The following MAP4 variants were observed in gnomAD, a reference collection of about 807,000 sequenced individuals.
MAP4 encodes microtubule associated protein 4.
MAP4 carries 76 observed loss-of-function variants against 170.2 expected under a neutral mutation model. That is an observed-to-expected ratio of 0.45 (90% CI 0.37 to 0.54). The LOEUF is 0.54. Ranked by LOEUF, MAP4 falls within the 20% of genes least tolerant of loss-of-function variation. MAP4 has a pLI of 0.00. For synonymous variants in MAP4, 909 were observed against 994.5 expected, an observed-to-expected ratio of 0.91 and a Z score of 1.62; for missense variants, 2,506 against 2,748.0, an observed-to-expected ratio of 0.91 and a Z score of 1.97.
At chr3:47,881,576 A>G (rs906396336) in intron 10 of MAP4, among the ~76,000 whole-genome samples, 1 of 146,908 alleles carries the variant, frequency 6.8e-6, no homozygotes, top group Non-Finnish European at 1.5e-5. Context: ...TTAACTTTCA[A>G]CCTACCTATG....
chr3:47,872,206 C>A (rs532888905), intron 12 of MAP4, 106 bp from the exon 13 acceptor site: 2 of 1,060,578 alleles, frequency 1.9e-6, no homozygotes, highest in African/African-American at 3.2e-5. Context: ...TTTTTGGAGA[C>A]GAAGTCTCAC....
intron 1 of MAP4, among the ~76,000 whole-genome samples, chr3:48,065,829 A>G (rs1311394669): frequency 3.3e-5 from 5 of 152,258 alleles, no homozygotes; most frequent in South Asian, 4.1e-4. Flanking sequence ...ATGGAATGAT[A>G]AGTTCAAGGC....
intron 3 of MAP4, among the ~76,000 whole-genome samples, chr3:47,952,592 C>G (rs974095261): frequency 6.6e-6 from 1 of 151,694 alleles, no homozygotes; most frequent in Non-Finnish European, 1.5e-5. Flanking sequence ...TTACCCCCAA[C>G]CCTGTGCTCT....
In MAP4 at chr3:47,917,188, T is replaced by G. The variant is rs1440525908; in HGVS notation, c.653-14A>C. 1 of 1,604,390 alleles carries G rather than the reference T, an allele frequency of 6.2e-7. No individual in the cohort carries two copies. Among genetic ancestry groups the G allele is most frequent in the East Asian group, 2.2e-5 (1 of 44,828 alleles). ...GCTCTAAGGGAACTAAATTGGAAAT[T>G]TAGGACACATCATTGTCTACTCATA... On this transcript the variant is annotated splice_polypyrimidine_tract_variant and intron_variant, in intron 6 of 20. Transcript: ENST00000683076.
At chr3:47,893,229 C>T (rs1441193908) in intron 10 of MAP4, among the ~76,000 whole-genome samples, 2 of 152,126 alleles carry the variant, frequency 1.3e-5, no homozygotes, top group Non-Finnish European at 2.9e-5. Flanking sequence ...TTAAAGACTT[C>T]AGTGATCAGG....
intron 1 of MAP4, among the ~76,000 whole-genome samples, chr3:48,073,228 A>G (rs1040692638): frequency 7.3e-4 from 110 of 150,684 alleles, no homozygotes; most frequent in Admixed American, 1.3e-3. Context: ...CATAATTTTA[A>G]AACAATATGG....
intron 1 of MAP4, among the ~76,000 whole-genome samples, chr3:48,030,344 CTGGTTTCT>C (rs1432607413): frequency 1.3e-5 from 2 of 151,930 alleles, no homozygotes; most frequent in East Asian, 3.9e-4. Flanking sequence ...CACCCAGATG[CTGGTTTCT>C]AATACCATTC....
intron 12 of MAP4, among the ~76,000 whole-genome samples, chr3:47,874,663 C>G (rs2094659712): frequency 6.6e-6 from 1 of 152,118 alleles, no homozygotes; most frequent in South Asian, 2.1e-4. Context: ...CTCCCCTCTG[C>G]CCTCTTATTC....
chr3:48,068,600 C>T lies in MAP4; in HGVS notation c.-20+20173G>A, dbSNP rs989890627. 5.3e-5 allele frequency among the ~76,000 whole-genome samples: 8 copies of T among 151,864 alleles called. No homozygotes were observed. The South Asian group carries it at 8.3e-4, about 16-fold the overall frequency. On this transcript the variant is annotated intron_variant, in intron 1 of 18. Transcript: ENST00000360240. ...GAGTTCCAGACCAGCCCGGCCAACA[C>T]GGTGAAATCCCATCTCTACTAAAAA...
In MAP4 at chr3:47,872,070, G is replaced by A. The variant is rs1168853278; in HGVS notation, c.5788C>T (p.Arg1930Trp). The A allele has an allele frequency of 3.7e-6, 6 of 1,613,004 alleles. No individual in the cohort carries two copies. The highest frequency in any genetic ancestry group is 5.1e-6 in the Non-Finnish European group (6 of 1,179,538). Reference sequence around the variant, plus strand: ...GAAGCTGGCTTGGATGGTGAGGCCCGCTTCTCAGGAGCCTTTGCATCTGCA... The same window carrying A: ...GAAGCTGGCTTGGATGGTGAGGCCCACTTCTCAGGAGCCTTTGCATCTGCA... ...PIADAKAPEKRASPSKPASAP... is the reference protein window; with the variant it reads ...PIADAKAPEKWASPSKPASAP... The change falls in exon 13 of 21, where the codon CGG (arginine) becomes TGG (tryptophan). Residue 1930 changes from arginine (R) to tryptophan (W), a missense_variant. Physicochemically the swap from Arg to Trp is moderately radical, Grantham distance 101. Transcript: ENST00000683076.
intron 1 of MAP4, among the ~76,000 whole-genome samples, chr3:48,057,705 C>A (rs566588168): frequency 6.0e-5 from 9 of 150,260 alleles, no homozygotes; most frequent in African/African-American, 2.0e-4. Context: ...TACTCCTAGG[C>A]AAACTGCCGA....
At chr3:47,892,912 C>A (rs1452209593) in intron 10 of MAP4, 2 of 988,766 alleles carry the variant, frequency 2.0e-6, no homozygotes, top group East Asian at 1.1e-4. Context: ...CCATGCCCAC[C>A]CTTCCACATT....
intron 1 of MAP4, among the ~76,000 whole-genome samples, chr3:48,075,694 C>T (rs1271596007): frequency 6.6e-6 from 1 of 151,856 alleles, no homozygotes; most frequent in Admixed American, 6.6e-5. Context: ...AGATTTTGGG[C>T]CGGGCGCAGT....
chr3:48,061,821 C>T (rs2100135633), intron 1 of MAP4, among the ~76,000 whole-genome samples: 1 of 151,480 alleles, frequency 6.6e-6, no homozygotes. Context: ...GGCCAGCCGC[C>T]CCATCCGGGA....
At chr3:48,084,575 CTTTT>C (rs746461438) in intron 1 of MAP4, among the ~76,000 whole-genome samples, 2 of 140,964 alleles carry the variant, frequency 1.4e-5, no homozygotes, top group Non-Finnish European at 3.1e-5. Flanking sequence ...TTTATTACCC[CTTTT>C]TTTTTTTTTT....
chr3:47,884,176 T>C (rs1365116852), intron 10 of MAP4, among the ~76,000 whole-genome samples: 3 of 152,242 alleles, frequency 2.0e-5, no homozygotes, highest in African/African-American at 4.8e-5. Context: ...TTTTTCCTTG[T>C]AGACCATTTT....
At chr3:48,016,666 G>A (rs762946673), upstream of MAP4, among the ~76,000 whole-genome samples, 7 of 152,056 alleles carry the variant, frequency 4.6e-5, no homozygotes, top group South Asian at 1.0e-3. Flanking sequence ...TTTGAAAAAG[G>A]AGCATTTTTT....
Position 47,852,167 on chromosome 3 carries a change from TC to T in MAP4, c.*766del, listed in dbSNP as rs2043512797. The T allele has an allele frequency of 6.6e-6, 1 of 152,640 alleles. No homozygotes were observed. The highest frequency in any genetic ancestry group is 1.5e-5 in the Non-Finnish European group (1 of 68,364). The allele number at this position is 152,640 out of a possible 1,614,324, so 9.5% of individuals were successfully genotyped here. ...TGGCATAAGGATATCTCCGCCCTGT[TC>T]CCTCTAACACTTACTGAGGACTTTC... On this transcript the variant is annotated 3_prime_UTR_variant, in exon 21 of 21. Transcript: ENST00000683076.
chr3:48,059,196 T>C (rs1277902233), intron 1 of MAP4, among the ~76,000 whole-genome samples: 1 of 152,102 alleles, frequency 6.6e-6, no homozygotes, highest in Non-Finnish European at 1.5e-5. Flanking sequence ...CAGCCAAAAC[T>C]ACATGAACTG....
Sources: gnomAD v4.1 joint callset for allele counts (sites outside exome capture counted in the v4.1 genomes callset) on GRCh38, gnomAD v4.1.1 for gene constraint, MANE v1.5 for transcripts, NCBI Gene and HGNC (gene_info 2026-07-23, HGNC 2026-07-21) for gene names.